Variants in SCUBE1 observed in about 807,000 individuals in gnomAD.
SCUBE1 encodes signal peptide, CUB domain and EGF like domain containing 1, also known as signal peptide, CUB and EGF-like domain-containing protein 1.
In SCUBE1, 59 loss-of-function variants were observed where a neutral mutation model predicts 124.4. That is an observed-to-expected ratio of 0.47 (90% CI 0.38 to 0.59). The LOEUF is 0.59. Among genes scored for constraint, SCUBE1 ranks in the 20% least tolerant of loss-of-function variants. The pLI is 0.00. For synonymous variants in SCUBE1, 545 were observed against 550.9 expected, an observed-to-expected ratio of 0.99 and a Z score of 0.15; for missense variants, 1,150 against 1,371.2, an observed-to-expected ratio of 0.84 and a Z score of 2.55.
At chr22:43,215,904 C>T (rs746150169) in intron 15 of SCUBE1, among the ~76,000 whole-genome samples, 1 of 144,222 alleles carries the variant, frequency 6.9e-6, no homozygotes, top group African/African-American at 2.9e-5. Flanking sequence ...CACATGCATG[C>T]ACACTCACAC....
chr22:43,229,357 C>G (rs1182236100), intron 8 of SCUBE1, among the ~76,000 whole-genome samples, 169 bp from the exon 9 acceptor site: 1 of 152,246 alleles, frequency 6.6e-6, no homozygotes, highest in Admixed American at 6.5e-5. Context: ...TGCTGCTCGA[C>G]TTTCCATTGT....
chr22:43,220,639 G>T, intron 13 of SCUBE1, 52 bp from the exon 14 acceptor site: 1 of 1,596,324 alleles, frequency 6.3e-7, no homozygotes. Flanking sequence ...CAGGGAGCAA[G>T]GTCCTACCAA....
intron 3 of SCUBE1, among the ~76,000 whole-genome samples, chr22:43,291,901 T>C (rs1211271272): frequency 6.6e-6 from 1 of 152,160 alleles, no homozygotes; most frequent in Non-Finnish European, 1.5e-5. Context: ...AAGTCACTTG[T>C]CTAAAGTCCT....
rs1226030402 is a variant in SCUBE1 at position 43,200,489 on chromosome 22, C to T, written c.*3508G>A. 2 of 152,408 alleles carry T rather than the reference C, an allele frequency of 1.3e-5. No homozygotes were observed. The highest frequency in any genetic ancestry group is 2.9e-5 in the Non-Finnish European group (2 of 68,142). 9.4% of individuals were successfully genotyped at this position (152,408 alleles called of 1,614,324 possible). A position where few individuals can be genotyped will look rare whatever the true frequency, so the allele number is the denominator to read the frequency against. ...CATCTTGAACCAGGTGGAATAGCCACCTCACATCAGTCAAGCTGCCATTGG... is the reference window on the plus strand; with the variant it reads ...CATCTTGAACCAGGTGGAATAGCCATCTCACATCAGTCAAGCTGCCATTGG... On this transcript the variant is annotated 3_prime_UTR_variant, in exon 22 of 22. Transcript: ENST00000360835.
chr22:43,205,902 C>T (rs1388094101), intron 21 of SCUBE1, among the ~76,000 whole-genome samples: 1 of 101,122 alleles, frequency 9.9e-6, no homozygotes, highest in Non-Finnish European at 2.0e-5. Flanking sequence ...ACCACAAACA[C>T]CCCCACCCCC....
At chr22:43,218,827 G>A (rs1167947241) in intron 14 of SCUBE1, among the ~76,000 whole-genome samples, 2 of 152,184 alleles carry the variant, frequency 1.3e-5, no homozygotes, top group South Asian at 2.1e-4. Flanking sequence ...TGAATCCAAG[G>A]CCCTTCAAGG....
At chr22:43,338,920 C>A (rs1927173729) in intron 2 of SCUBE1, among the ~76,000 whole-genome samples, 184 bp downstream of exon 2, 1 of 152,252 alleles carries the variant, frequency 6.6e-6, no homozygotes, top group Non-Finnish European at 1.5e-5. Flanking sequence ...TCCAGGGAAG[C>A]AGCCGGCATT....
intron 13 of SCUBE1, 81 bp from the exon 14 acceptor site, chr22:43,220,668 C>T: frequency 1.3e-6 from 2 of 1,534,260 alleles, no homozygotes; most frequent in South Asian, 2.4e-5. Flanking sequence ...TACAGAGTGC[C>T]ATTGGCAAGG....
At position 43,227,483 on chromosome 22, in the gene SCUBE1, G is replaced by A. The variant is rs199747009; in HGVS notation, c.1098C>T (p.Cys366=). 6.5e-5 allele frequency: 104 copies of A among 1,612,394 alleles called. No individual in the cohort carries two copies. Among genetic ancestry groups the A allele is most frequent in the Non-Finnish European group, 8.2e-5 (97 of 1,179,792 alleles). Residue 366 remains cysteine, a synonymous_variant, in exon 10 of 22, where the codon TGC becomes TGT. Transcript: ENST00000360835. ...GGTCACAGCTCCCGTTGCTCATGCTGCACTCGTCCACATCTGGAAGCACAG... is the reference window on the plus strand; with the variant it reads ...GGTCACAGCTCCCGTTGCTCATGCTACACTCGTCCACATCTGGAAGCACAG... ...GTTHCGDVDE[C]SMSNGSCDQG...
chr22:43,230,197 G>A (rs955619996), intron 8 of SCUBE1, among the ~76,000 whole-genome samples: 1 of 152,156 alleles, frequency 6.6e-6, no homozygotes. Context: ...GCTCCAGGCA[G>A]TGGCTAGGAG....
At position 43,223,172 on chromosome 22, in the gene SCUBE1, G is replaced by A; in HGVS notation, c.1252C>T (p.Gln418Ter). 6.4e-7 allele frequency: 1 copy of A among 1,569,870 alleles called. No homozygotes were observed. The highest frequency in any genetic ancestry group is 8.6e-7 in the Non-Finnish European group (1 of 1,166,910). ...CCGCCTGCCTTGCTGCAGGACAGCT[G>A]GGCCCGGGGGGAGGTCTTGGCGCGA... is the stretch of plus-strand genomic sequence containing the variant. Reference protein sequence around the residue: ...LSRAKTSPRAQLSCSKAGGVE... With the variant: ...LSRAKTSPRA Residue 418 changes from glutamine (Q) to a stop codon, truncating the protein, a stop_gained, in exon 11 of 22, where the codon CAG (glutamine) becomes TAG (stop). Transcript: ENST00000360835. LOFTEE classifies it high-confidence loss of function.
intron 15 of SCUBE1, among the ~76,000 whole-genome samples, chr22:43,217,112 A>AC (rs550305714): frequency 0.014 from 96 of 7,090 alleles, 8 homozygotes; most frequent in African/African-American, 0.12. Context: ...CCCAACCCCC[A>AC]CCCCCCATCC....
chr22:43,229,212 G>A (rs760135701), intron 8 of SCUBE1, 24 bp from the exon 9 acceptor site: 16 of 1,361,070 alleles, frequency 1.2e-5, no homozygotes, highest in Admixed American at 1.7e-5. Context: ...GGGAGACAAA[G>A]TTGGGGGAGG....
At chr22:43,231,680 G>C (rs1922557445) in intron 8 of SCUBE1, 73 bp downstream of exon 8, 2 of 1,509,600 alleles carry the variant, frequency 1.3e-6, no homozygotes, top group African/African-American at 2.8e-5. Context: ...CTAGGAGCCC[G>C]TGTCAGCCCA....
intron 7 of SCUBE1, among the ~76,000 whole-genome samples, chr22:43,236,020 G>A (rs1310667055): frequency 6.6e-6 from 1 of 152,128 alleles, no homozygotes; most frequent in East Asian, 1.9e-4. Flanking sequence ...GCCCTGGGTT[G>A]TCCAAGCCCG....
chr22:43,269,689 A>C (rs1399262353), intron 4 of SCUBE1, among the ~76,000 whole-genome samples: 2 of 152,128 alleles, frequency 1.3e-5, no homozygotes, highest in Non-Finnish European at 2.9e-5. Flanking sequence ...ATAGAAAGTT[A>C]TGGAGCCAAG....
chr22:43,280,497 CCCTTCCCCTCACCCATCCTG>C (rs1414670968), intron 4 of SCUBE1, among the ~76,000 whole-genome samples: 7 of 101,786 alleles, frequency 6.9e-5, no homozygotes, highest in South Asian at 7.9e-4. Context: ...CCATCCCCGT[CCCTTCCCCTCACCCATCCTG>C]CTGTCCCTTC....
chr22:43,277,265 G>C (rs1278541758), intron 4 of SCUBE1, among the ~76,000 whole-genome samples: 1 of 152,106 alleles, frequency 6.6e-6, no homozygotes, highest in African/African-American at 2.4e-5. Context: ...GCCAAGCAAG[G>C]ACAGGCTGCA....
chr22:43,267,243 C>A (rs1286271553), intron 4 of SCUBE1, among the ~76,000 whole-genome samples: 1 of 151,934 alleles, frequency 6.6e-6, no homozygotes, highest in Non-Finnish European at 1.5e-5. Flanking sequence ...CAGGGCCTGG[C>A]ACAGGGTTAG....
Sources: allele counts gnomAD v4.1 joint callset (sites outside exome capture counted in the v4.1 genomes callset), GRCh38; gene constraint gnomAD v4.1.1; transcripts MANE v1.5; gene names NCBI Gene and HGNC (gene_info 2026-07-23, HGNC 2026-07-21).